Variants in VRK2 observed in about 807,000 individuals in gnomAD.
VRK2 encodes the protein serine/threonine-protein kinase VRK2.
Under a neutral mutation model 57.6 loss-of-function variants are expected in VRK2, and 60 were observed. The ratio of observed to expected loss-of-function variants is 1.04; its 90% CI spans 0.85 to 1.29. The LOEUF is 1.29. Ranked by LOEUF, VRK2 falls within the 50% of genes most tolerant of loss-of-function variation. The pLI, the probability that VRK2 is intolerant of heterozygous loss-of-function variation, is 0.00. For missense variants in VRK2, 705 were observed against 588.1 expected (o/e 1.20, Z -2.06); for synonymous variants, 231 against 199.2 (o/e 1.16, Z -1.35).
rs192282964 is a variant in VRK2, at chr2:57,929,099, C to T, written c.-439+21260C>T. ...CTCAAAGCCCAAGAGCTCTACAATCCGCAGGTAGCAAAGCCAGCCAAGCTT... is the reference window on the plus strand; with the variant it reads ...CTCAAAGCCCAAGAGCTCTACAATCTGCAGGTAGCAAAGCCAGCCAAGCTT... On this transcript the variant is annotated intron_variant, in intron 1 of 15. Coordinates refer to the VRK2 transcript ENST00000417641. 1.4e-3 allele frequency among the ~76,000 whole-genome samples: 208 copies of T among 152,266 alleles called. 1 individual carries two copies. The highest frequency in any genetic ancestry group is 5.0e-3 in the African/African-American group (206 of 41,564).
chr2:58,123,158 C>G lies in VRK2; in HGVS notation c.601C>G (p.Gln201Glu), dbSNP rs1677782259. The change falls in exon 8 of 13, where the codon CAG (glutamine) becomes GAG (glutamate). Residue 201 changes from glutamine to glutamate, a missense_variant. Physicochemically the swap from Gln to Glu is conservative, Grantham distance 29. Transcript: ENST00000340157. The stretch of plus-strand genomic sequence containing the variant: ...ATATTGTCCCAATGGGAACCACAAA[C>G]AGTATCAGGAAAATCCTAGAAAAGG... ...YRYCPNGNHK[Q>E]YQENPRKGHN... 1 of 1,595,344 alleles carries G rather than the reference C, an allele frequency of 6.3e-7. No homozygotes were observed. Among genetic ancestry groups the G allele is most frequent in the Non-Finnish European group, 8.5e-7 (1 of 1,174,794 alleles).
chr2:57,992,572 C>T (rs1672800116), intron 1 of VRK2, among the ~76,000 whole-genome samples: 1 of 152,098 alleles, frequency 6.6e-6, no homozygotes, highest in South Asian at 2.1e-4. Flanking sequence ...CTCTGTCGCC[C>T]AGGCCGGACT....
At chr2:58,067,691 T>C (rs1367811309) in intron 2 of VRK2, among the ~76,000 whole-genome samples, 1 of 152,120 alleles carries the variant, frequency 6.6e-6, no homozygotes, top group African/African-American at 2.4e-5. Context: ...TGTGGTTGTC[T>C]TGTGTATTAT....
intron 2 of VRK2, among the ~76,000 whole-genome samples, chr2:58,052,626 C>T (rs1440329528): frequency 6.6e-6 from 1 of 150,994 alleles, no homozygotes; most frequent in Non-Finnish European, 1.5e-5. Flanking sequence ...AAAATGCTGC[C>T]ATAGTGGATT....
intron 1 of VRK2, among the ~76,000 whole-genome samples, chr2:57,908,223 A>G (rs1355763052): frequency 1.3e-5 from 2 of 152,214 alleles, no homozygotes; most frequent in East Asian, 1.9e-4. Context: ...TGATTCTTCT[A>G]GTTTTCATTA....
intron 1 of VRK2, among the ~76,000 whole-genome samples, chr2:57,925,341 T>C (rs1040747379): frequency 1.3e-5 from 2 of 152,088 alleles, no homozygotes; most frequent in African/African-American, 4.8e-5. Flanking sequence ...TTGTAGGCTT[T>C]TCTTTGCACA....
At chr2:58,041,099 T>C in intron 3 of VRK2, 14 of 981,728 alleles carry the variant, frequency 1.4e-5, no homozygotes, top group Non-Finnish European at 1.7e-5. Context: ...AGAGTGTAAA[T>C]ATAGTCTTAT....
At chr2:57,927,028 G>GTGTGTGTGTGTGTC (rs1368129207) in intron 1 of VRK2, among the ~76,000 whole-genome samples, 5 of 151,042 alleles carry the variant, frequency 3.3e-5, no homozygotes, top group Admixed American at 6.6e-5. Context: ...GTGTGTGTGT[G>GTGTGTGTGTGTGTC]TGTCTGTCGT....
At chr2:57,953,805 T>G (rs1420239234) in intron 1 of VRK2, among the ~76,000 whole-genome samples, 1 of 152,162 alleles carries the variant, frequency 6.6e-6, no homozygotes, top group African/African-American at 2.4e-5. Context: ...CCATACTTTG[T>G]GCATTATAAA....
chr2:57,908,474 G>A (rs573987304), intron 1 of VRK2, among the ~76,000 whole-genome samples: 1 of 152,034 alleles, frequency 6.6e-6, no homozygotes, highest in Admixed American at 6.5e-5. Context: ...TGATGAAGAA[G>A]TATTTGATGA....
chr2:58,021,484 A>C (rs1416321850), intron 1 of VRK2, among the ~76,000 whole-genome samples: 1 of 152,240 alleles, frequency 6.6e-6, no homozygotes, highest in Non-Finnish European at 1.5e-5. Context: ...CTTGGACTAA[A>C]TATTTATTGT....
intron 10 of VRK2, among the ~76,000 whole-genome samples, chr2:58,137,190 ATACATATATATC>A (rs1417945463): frequency 0.039 from 1,987 of 50,774 alleles, 318 homozygotes; most frequent in African/African-American, 0.31. Flanking sequence ...ATCATATATG[ATACATATATATC>A]TCATATATGA....
intron 7 of VRK2, among the ~76,000 whole-genome samples, chr2:58,094,476 G>A (rs1420065809): frequency 6.6e-6 from 1 of 152,112 alleles, no homozygotes; most frequent in Non-Finnish European, 1.5e-5. Flanking sequence ...TGCTGTTGGT[G>A]TATAAGAATG....
chr2:58,055,578 A>G (rs993942034), intron 2 of VRK2, among the ~76,000 whole-genome samples: 1 of 152,186 alleles, frequency 6.6e-6, no homozygotes, highest in South Asian at 2.1e-4. Context: ...AGCAGCATGC[A>G]TTCAGTGGAG....
intron 1 of VRK2, among the ~76,000 whole-genome samples, chr2:58,001,230 AG>A (rs1673079831): frequency 6.6e-6 from 1 of 152,236 alleles, no homozygotes; most frequent in African/African-American, 2.4e-5. Flanking sequence ...AAGAATAATC[AG>A]GTTTCAAAGT....
intron 1 of VRK2, among the ~76,000 whole-genome samples, chr2:57,984,068 G>T (rs889722849): frequency 1.3e-5 from 2 of 152,094 alleles, no homozygotes; most frequent in African/African-American, 4.8e-5. Context: ...GGGCCACAGA[G>T]TAAATATTAA....
At chr2:58,060,375 G>C (rs992517231) in intron 2 of VRK2, among the ~76,000 whole-genome samples, 4 of 151,664 alleles carry the variant, frequency 2.6e-5, no homozygotes, top group Non-Finnish European at 5.9e-5. Flanking sequence ...TATTTTTTTG[G>C]GGAGGGGAGC....
intron 8 of VRK2, among the ~76,000 whole-genome samples, chr2:58,129,816 A>T (rs1678914925): frequency 6.6e-6 from 1 of 152,194 alleles, no homozygotes; most frequent in Non-Finnish European, 1.5e-5. Context: ...GTGTGGGGAA[A>T]GGAAAGGGTG....
In VRK2 at chr2:57,920,341, T is replaced by C. The variant is rs2103904481; in HGVS notation, c.-439+12502T>C. Among the ~76,000 whole-genome samples, 3 of 152,212 alleles carry C rather than the reference T, an allele frequency of 2.0e-5. No individual in the cohort carries two copies. The South Asian group carries it at 6.2e-4, about 32-fold the overall frequency. On this transcript the variant is annotated intron_variant, in intron 1 of 15. Coordinates refer to the VRK2 transcript ENST00000417641. ...ATTGAACTAACTGTCACACTCCAGA[T>C]AAGACTGCCTGGCTAATACAGAATT... is the stretch of plus-strand genomic sequence containing the variant.
Sources: gnomAD v4.1 joint callset for allele counts (sites outside exome capture counted in the v4.1 genomes callset) on GRCh38, gnomAD v4.1.1 for gene constraint, MANE v1.5 for transcripts, NCBI Gene and HGNC (gene_info 2026-07-23, HGNC 2026-07-21) for gene names.